The following STS variants were observed in gnomAD, a reference collection of about 807,000 sequenced individuals.
STS encodes steroid sulfatase, also known as steryl-sulfatase.
STS carries 7 observed loss-of-function variants against 26.8 expected under a neutral mutation model. The ratio of observed to expected loss-of-function variants is 0.26; its 90% CI spans 0.15 to 0.49. The LOEUF (loss-of-function observed/expected upper bound fraction) is 0.49. STS is among the 20% of genes least tolerant of loss of function. The pLI is 0.98. For missense variants in STS, 434 were observed against 465.6 expected (o/e 0.93, Z 0.63); for synonymous variants, 199 against 189.4 (o/e 1.05, Z -0.42).
chrX:7,240,537 A>G (rs201777798), intron 2 of STS, among the ~76,000 whole-genome samples: 31 of 47,544 alleles, frequency 6.5e-4, no homozygotes, highest in African/African-American at 1.1e-3. Context: ...GTGTGTGTAT[A>G]TATATATATA....
At chrX:7,201,227 T>A (rs1390664118) in intron 2 of STS, among the ~76,000 whole-genome samples, 1 of 111,491 alleles carries the variant, frequency 9.0e-6, no homozygotes, top group African/African-American at 3.3e-5. Flanking sequence ...GATATCTAGA[T>A]TGATATATAG....
intron 1 of STS, among the ~76,000 whole-genome samples, chrX:7,155,962 A>G (rs1344713625): frequency 9.0e-6 from 1 of 110,993 alleles, no homozygotes; most frequent in Non-Finnish European, 1.9e-5. Flanking sequence ...CAGCCTGGGC[A>G]ACATGGTGAA....
chrX:7,231,560 T>G (rs968168851), intron 2 of STS, among the ~76,000 whole-genome samples: 1 of 111,176 alleles, frequency 9.0e-6, no homozygotes, highest in East Asian at 2.8e-4. Context: ...TCTCCCTTTC[T>G]TCATGCTCCA....
rs1455784245 is a variant in STS, at chrX:7,279,337, GTA to G, written c.943+3252_943+3253del. 6.6e-4 allele frequency among the ~76,000 whole-genome samples: 53 copies of G among 80,595 alleles called. 1 individual carries two copies. The highest frequency in any genetic ancestry group is 2.9e-3 in the African/African-American group (51 of 17,831). 70.0% of individuals were successfully genotyped at this position (80,595 alleles called of 115,157 possible). On this transcript the variant is annotated intron_variant, in intron 7 of 10. Transcript: ENST00000674429. Reference sequence around the variant, plus strand: ...TGTGTGTGTGTGTGTGTGTGTGTGTGTATGTGTGTGTGTGTGTGTGTATATGT... The same window carrying G: ...TGTGTGTGTGTGTGTGTGTGTGTGTGTGTGTGTGTGTGTGTGTGTATATGT...
At chrX:7,163,744 C>G (rs1203802328) in intron 1 of STS, among the ~76,000 whole-genome samples, 1 of 112,614 alleles carries the variant, frequency 8.9e-6, no homozygotes, top group Non-Finnish European at 1.9e-5. Context: ...GACACCAGCT[C>G]GAACCAACTA....
At chrX:7,261,405 G>A (rs1923741768) in intron 6 of STS, among the ~76,000 whole-genome samples, 1 of 112,073 alleles carries the variant, frequency 8.9e-6, no homozygotes, top group Admixed American at 9.5e-5. Context: ...ACTATATTAG[G>A]GATTTAATTT....
chrX:7,321,180 C>G (rs1280974536), intron 8 of STS, among the ~76,000 whole-genome samples: 2 of 111,768 alleles, frequency 1.8e-5, no homozygotes, highest in Admixed American at 1.9e-4. Context: ...GAACCTAAAA[C>G]CAAATTCTGC....
intron 2 of STS, among the ~76,000 whole-genome samples, chrX:7,249,456 G>T (rs1484892735): frequency 9.0e-6 from 1 of 111,505 alleles, no homozygotes; most frequent in Non-Finnish European, 1.9e-5. Flanking sequence ...CCAGTGGTGG[G>T]ACTCAGACTG....
intron 10 of STS, among the ~76,000 whole-genome samples, chrX:7,347,226 C>A (rs1222955242): frequency 9.0e-6 from 1 of 111,332 alleles, no homozygotes; most frequent in Non-Finnish European, 1.9e-5. Context: ...GAACAAGCTT[C>A]CAAAGTCGGG....
At chrX:7,272,786 G>A (rs1924348346) in intron 6 of STS, among the ~76,000 whole-genome samples, 1 of 111,545 alleles carries the variant, frequency 9.0e-6, no homozygotes, top group South Asian at 3.8e-4. Context: ...GGTCTGGTGG[G>A]AGAAGAGAGC....
At chrX:7,270,996 TTC>T (rs1440240660) in intron 6 of STS, among the ~76,000 whole-genome samples, 6 of 82,532 alleles carry the variant, frequency 7.3e-5, no homozygotes, top group South Asian at 4.6e-4. Flanking sequence ...CTTCTTCTTC[TTC>T]TTTTTTTTTT....
intron 1 of STS, among the ~76,000 whole-genome samples, chrX:7,173,364 A>G (rs1933505062): frequency 9.0e-6 from 1 of 111,508 alleles, no homozygotes; most frequent in South Asian, 3.8e-4. Flanking sequence ...GGTTGATTCC[A>G]TATCTTTACT....
At chrX:7,275,532 G>A (rs761078355) in intron 6 of STS, among the ~76,000 whole-genome samples, 1 of 111,651 alleles carries the variant, frequency 9.0e-6, no homozygotes, top group Admixed American at 9.5e-5. Flanking sequence ...AGCAGTGTGT[G>A]TATGTGTATT....
At chrX:7,228,592 T>C (rs955824179) in intron 2 of STS, among the ~76,000 whole-genome samples, 12 of 111,982 alleles carry the variant, frequency 1.1e-4, no homozygotes, top group African/African-American at 3.2e-4. Flanking sequence ...AGTTTTGTTA[T>C]TGAGTTTGGG....
At chrX:7,322,427 T>C (rs1037564737) in intron 8 of STS, among the ~76,000 whole-genome samples, 2 of 112,048 alleles carry the variant, frequency 1.8e-5, no homozygotes, top group East Asian at 2.8e-4. Context: ...CTGAGACAGA[T>C]GCTCACTCTG....
chrX:7,269,781 C>A (rs1924181222), intron 6 of STS, among the ~76,000 whole-genome samples: 1 of 111,442 alleles, frequency 9.0e-6, no homozygotes, highest in African/African-American at 3.3e-5. Context: ...GTTGTTGATA[C>A]CGCTATCTGA....
At chrX:7,323,901 C>G (rs1416608574) in intron 8 of STS, among the ~76,000 whole-genome samples, 1 of 110,698 alleles carries the variant, frequency 9.0e-6, no homozygotes. Context: ...ATCTTCCAGC[C>G]TCTCTCTGTG....
In STS at chrX:7,325,418, G is replaced by C; in HGVS notation, c.1161G>C (p.Gln387His). ...GGCCCAGGGTGATACAGGCTGGCCA[G>C]AAGATTGATGAGCCCACTAGCAACA... ...LRWPRVIQAGQKIDEPTSNMD... is the reference protein window; with the variant it reads ...LRWPRVIQAGHKIDEPTSNMD... The change falls in exon 9 of 11, where the codon CAG (glutamine) becomes CAC (histidine). Residue 387 changes from glutamine (Q) to histidine (H), a missense_variant. Around this residue, in one of 2 missense-constraint regions of STS, gnomAD observed 205 missense variants for 177.3 expected, o/e 1.16. Transcript: ENST00000674429. 1 of 1,211,512 alleles carries C rather than the reference G, an allele frequency of 8.3e-7. No homozygotes were observed. The highest frequency in any genetic ancestry group is 1.1e-6 in the Non-Finnish European group (1 of 895,304).
intron 2 of STS, among the ~76,000 whole-genome samples, chrX:7,206,705 T>C (rs1169524070): frequency 8.9e-6 from 1 of 112,034 alleles, no homozygotes. Context: ...CAGGTATCTG[T>C]ATGCATAAAA....
Sources: allele counts gnomAD v4.1 joint callset (sites outside exome capture counted in the v4.1 genomes callset), GRCh38; gene constraint gnomAD v4.1.1; regional missense constraint gnomAD v4.1.1; transcripts MANE v1.5; gene names NCBI Gene and HGNC (gene_info 2026-07-23, HGNC 2026-07-21).